The following DLGAP1 variants were observed in gnomAD, a reference collection of about 807,000 sequenced individuals.
DLGAP1 encodes the protein DLG associated protein 1.
In DLGAP1, 11 loss-of-function variants were observed where a neutral mutation model predicts 90.8. The observed-to-expected ratio is 0.12, with a 90% CI of 0.08 to 0.20. DLGAP1 has a LOEUF of 0.20. Ranked by LOEUF, DLGAP1 falls within the 10% of genes least tolerant of loss-of-function variation. The probability of loss-of-function intolerance (pLI) is 1.00; values close to 1 mark genes in which losing one functional copy is unlikely to be tolerated. For missense variants in DLGAP1, 1,050 were observed against 1,333.8 expected (o/e 0.79, Z 3.31); for synonymous variants, 558 against 540.7 (o/e 1.03, Z -0.44).
chr18:4,310,903 T>G (rs2080382495), intron 1 of DLGAP1, among the ~76,000 whole-genome samples: 1 of 152,200 alleles, frequency 6.6e-6, no homozygotes. Flanking sequence ...ATTCTCTGAT[T>G]GTTTAGAAGG....
rs146179582 is a variant in DLGAP1 at position 4,165,397 on chromosome 18, G to A, written c.-266-14110C>T. On this transcript the variant is annotated intron_variant, in intron 1 of 12. Coordinates refer to ENST00000315677, the MANE Select transcript of DLGAP1 (RefSeq NM_004746.4). ...CAGCAAAACTGTCTTCAGGAAAGAA[G>A]AGAAAATAAAGGCATTCTTATGTAA... Among the ~76,000 whole-genome samples, 708 of 152,244 alleles carry A rather than the reference G, an allele frequency of 4.7e-3. 3 individuals are homozygous for A. The highest frequency in any genetic ancestry group is 7.4e-3 in the Non-Finnish European group (504 of 68,022).
intron 2 of DLGAP1, among the ~76,000 whole-genome samples, chr18:4,140,919 T>G (rs2076485061): frequency 6.6e-6 from 1 of 152,028 alleles, no homozygotes; most frequent in Admixed American, 6.6e-5. Flanking sequence ...TGGAGATCCA[T>G]TGCATGTTAT....
Position 4,220,144 on chromosome 18 carries a change from C to T in DLGAP1, c.-266-68857G>A, listed in dbSNP as rs2078044570. 2.0e-5 allele frequency among the ~76,000 whole-genome samples: 3 copies of T among 152,056 alleles called. No individual in the cohort carries two copies. The South Asian group carries it at 6.2e-4, about 32-fold the overall frequency. On this transcript the variant is annotated intron_variant, in intron 1 of 12. Coordinates refer to ENST00000315677, the MANE Select transcript of DLGAP1 (RefSeq NM_004746.4). ...CCTTTCCATTTATTTGTGTTCTCTA[C>T]AGTTTTTTCATCAATGCTCTATAGT...
intron 1 of DLGAP1, among the ~76,000 whole-genome samples, chr18:4,318,478 T>C (rs2080589680): frequency 1.3e-5 from 2 of 152,166 alleles, no homozygotes; most frequent in South Asian, 4.1e-4. Flanking sequence ...TCTAGAACAA[T>C]GCATTAAGCC....
intron 5 of DLGAP1, among the ~76,000 whole-genome samples, chr18:3,801,582 T>C (rs1467153740): frequency 1.3e-5 from 2 of 152,230 alleles, no homozygotes; most frequent in Non-Finnish European, 2.9e-5. Context: ...GTTTCCTCCT[T>C]GTATAACCTA....
intron 7 of DLGAP1, among the ~76,000 whole-genome samples, chr18:3,611,910 CCT>C (rs1007526283): frequency 6.6e-6 from 1 of 152,240 alleles, no homozygotes; most frequent in Non-Finnish European, 1.5e-5. Flanking sequence ...CATCCCAGAT[CCT>C]CTCCAAGCTC....
intron 7 of DLGAP1, among the ~76,000 whole-genome samples, chr18:3,620,394 C>G (rs1356568342): frequency 9.2e-5 from 14 of 152,030 alleles, no homozygotes; most frequent in Non-Finnish European, 1.5e-4. Flanking sequence ...AGCAGCCCTG[C>G]CGACCCATTT....
intron 4 of DLGAP1, among the ~76,000 whole-genome samples, chr18:3,871,305 C>T (rs567832670): frequency 3.3e-5 from 5 of 152,274 alleles, no homozygotes; most frequent in Admixed American, 2.0e-4. Context: ...ACAATGTCCG[C>T]ATTGCAGGGA....
chr18:3,644,889 T>A (rs1369701760), intron 7 of DLGAP1, among the ~76,000 whole-genome samples: 1 of 152,132 alleles, frequency 6.6e-6, no homozygotes, highest in East Asian at 1.9e-4. Flanking sequence ...TACTAAGACA[T>A]ATTGTTAAGT....
chr18:3,557,443 A>G (rs955714633), intron 9 of DLGAP1, among the ~76,000 whole-genome samples: 1 of 152,070 alleles, frequency 6.6e-6, no homozygotes, highest in Non-Finnish European at 1.5e-5. Context: ...AATCGCTTGA[A>G]CTTGGGAGGC....
chr18:3,707,748 T>C (rs1415158201), intron 7 of DLGAP1, among the ~76,000 whole-genome samples: 2 of 152,194 alleles, frequency 1.3e-5, no homozygotes, highest in African/African-American at 4.8e-5. Flanking sequence ...GAAATCAGTT[T>C]CTATGAAGGC....
At chr18:3,645,304 C>T (rs546256831) in intron 7 of DLGAP1, among the ~76,000 whole-genome samples, 1 of 151,902 alleles carries the variant, frequency 6.6e-6, no homozygotes, top group Non-Finnish European at 1.5e-5. Context: ...GTGGTCCAGG[C>T]TGCCATATTT....
At chr18:3,824,679 A>C (rs2067612578) in intron 4 of DLGAP1, among the ~76,000 whole-genome samples, 1 of 152,214 alleles carries the variant, frequency 6.6e-6, no homozygotes, top group Non-Finnish European at 1.5e-5. Context: ...ATAAACAAAG[A>C]AAAATCTCAA....
chr18:4,004,741 A>G (rs1261344685), intron 3 of DLGAP1, among the ~76,000 whole-genome samples: 3 of 152,234 alleles, frequency 2.0e-5, no homozygotes, highest in Non-Finnish European at 2.9e-5. Flanking sequence ...ACAACAAGGC[A>G]CATTTAAGAG....
At chr18:4,276,636 G>C (rs2079422295) in intron 1 of DLGAP1, among the ~76,000 whole-genome samples, 3 of 143,858 alleles carry the variant, frequency 2.1e-5, no homozygotes, top group Admixed American at 2.1e-4. Context: ...ACACCAGCTT[G>C]AAAAAAAAAA....
chr18:3,920,779 A>G (rs570203644), intron 3 of DLGAP1, among the ~76,000 whole-genome samples: 5 of 152,350 alleles, frequency 3.3e-5, no homozygotes, highest in African/African-American at 1.2e-4. Context: ...ATTTCCAGAA[A>G]GAATTACTTC....
At chr18:3,676,259 G>A (rs1203038186) in intron 7 of DLGAP1, among the ~76,000 whole-genome samples, 1 of 152,168 alleles carries the variant, frequency 6.6e-6, no homozygotes, top group Non-Finnish European at 1.5e-5. Flanking sequence ...AGCCTTCCCT[G>A]CTCGCTATGT....
At chr18:4,348,400 A>ATGTTTGTGTGTGTG (rs2081340139) in intron 1 of DLGAP1, among the ~76,000 whole-genome samples, 1 of 133,488 alleles carries the variant, frequency 7.5e-6, no homozygotes, top group African/African-American at 3.1e-5. Context: ...GAACTCAGGA[A>ATGTTTGTGTGTGTG]TGTGTGTGTG....
rs1348025853 is a variant in DLGAP1, at chr18:3,565,028, T to C, written c.2057+2462A>G. Among the ~76,000 whole-genome samples, 2 of 152,316 alleles carry C rather than the reference T, an allele frequency of 1.3e-5. No individual in the cohort carries two copies. Among genetic ancestry groups the C allele is most frequent in the South Asian group, 2.1e-4 (1 of 4,826 alleles). Reference sequence around the variant, plus strand: ...ACAAAGATGGGTAGTAATTTGCTTATGGCCCCTCAGTTAGTAAGGGGCACA... The same window carrying C: ...ACAAAGATGGGTAGTAATTTGCTTACGGCCCCTCAGTTAGTAAGGGGCACA... On this transcript the variant is annotated intron_variant, in intron 9 of 12. Transcript: ENST00000315677. This position sits in a 1 kb window ranked among gnomAD's most constrained non-coding sequence, Gnocchi z 4.0.
Sources: allele counts gnomAD v4.1 joint callset (sites outside exome capture counted in the v4.1 genomes callset), GRCh38; gene constraint gnomAD v4.1.1; non-coding constraint Gnocchi (gnomAD v3.1); transcripts MANE v1.5; gene names NCBI Gene and HGNC (gene_info 2026-07-23, HGNC 2026-07-21).